Variants in P4HA1 observed in about 807,000 individuals in gnomAD.
The protein encoded by P4HA1 is prolyl 4-hydroxylase subunit alpha-1.
In P4HA1, 24 loss-of-function variants were observed where a neutral mutation model predicts 72.8. That is an observed-to-expected ratio of 0.33 (90% confidence interval 0.24 to 0.46). P4HA1 has a LOEUF of 0.46. Among genes scored for constraint, P4HA1 ranks in the 20% least tolerant of loss-of-function variants. P4HA1 has a pLI of 1.00. For missense variants in P4HA1, 446 were observed against 640.6 expected, an observed-to-expected ratio of 0.70 and a Z score of 3.28; for synonymous variants, 201 against 218.8, an observed-to-expected ratio of 0.92 and a Z score of 0.72.
intron 10 of P4HA1, among the ~76,000 whole-genome samples, chr10:73,021,795 C>G (rs545456251): frequency 1.3e-5 from 2 of 152,232 alleles, no homozygotes; most frequent in African/African-American, 2.4e-5. Flanking sequence ...CCACATACTG[C>G]GCTTTTCCCA....
intron 9 of P4HA1, among the ~76,000 whole-genome samples, chr10:73,041,854 A>G (rs1840744167): frequency 6.8e-6 from 1 of 147,400 alleles, no homozygotes. Context: ...TTTTTTTTTG[A>G]GACAGGATCT....
chr10:73,056,874 C>T (rs994091033), intron 5 of P4HA1, among the ~76,000 whole-genome samples: 1 of 151,126 alleles, frequency 6.6e-6, no homozygotes, highest in African/African-American at 2.4e-5. Flanking sequence ...TCCTGGCTAA[C>T]ACGGTGAAAG....
intron 10 of P4HA1, among the ~76,000 whole-genome samples, chr10:73,026,294 TAAC>T (rs1162255064): frequency 3.9e-5 from 6 of 152,148 alleles, no homozygotes; most frequent in African/African-American, 1.2e-4. Flanking sequence ...GCCTCAGAAA[TAAC>T]AACACACATC....
At chr10:73,030,638 A>C (rs1840411900) in intron 9 of P4HA1, among the ~76,000 whole-genome samples, 1 of 152,214 alleles carries the variant, frequency 6.6e-6, no homozygotes, top group South Asian at 2.1e-4. Context: ...TAATGTAAGG[A>C]GGCTATATTG....
chr10:73,060,515 G>A (rs1460092469), intron 5 of P4HA1, among the ~76,000 whole-genome samples: 2 of 152,104 alleles, frequency 1.3e-5, no homozygotes, highest in Non-Finnish European at 2.9e-5. Flanking sequence ...CCAGGCTGTA[G>A]TGCACCATGA....
At chr10:73,015,732 C>CA (rs540960481) in intron 11 of P4HA1, among the ~76,000 whole-genome samples, 8 of 152,252 alleles carry the variant, frequency 5.3e-5, no homozygotes, top group African/African-American at 1.4e-4. Flanking sequence ...CACATACCTC[C>CA]AGCCTCTGTG....
intron 5 of P4HA1, among the ~76,000 whole-genome samples, chr10:73,061,277 C>T (rs1002735342): frequency 2.8e-4 from 43 of 152,002 alleles, no homozygotes; most frequent in Non-Finnish European, 5.9e-4. Context: ...AAATTTAACT[C>T]GAATCTAATC....
At chr10:73,050,397 A>AGT (rs1840990201) in intron 7 of P4HA1, among the ~76,000 whole-genome samples, 11 of 149,474 alleles carry the variant, frequency 7.4e-5, no homozygotes, top group African/African-American at 2.8e-4. Flanking sequence ...GGTATACTGT[A>AGT]ATTTTTTTTT....
At chr10:73,052,213 CCA>C (rs1294064270) in intron 6 of P4HA1, among the ~76,000 whole-genome samples, 3 of 150,354 alleles carry the variant, frequency 2.0e-5, no homozygotes, top group South Asian at 2.1e-4. Flanking sequence ...AACTAAAGAA[CCA>C]CACACACATA....
chr10:73,022,470 C>T (rs758707910), intron 10 of P4HA1, among the ~76,000 whole-genome samples: 4 of 152,156 alleles, frequency 2.6e-5, no homozygotes, highest in Non-Finnish European at 4.4e-5. Flanking sequence ...AGGTCATCTA[C>T]ACCAAAACCC....
At chr10:73,074,659 C>A in intron 2 of P4HA1, 149 bp downstream of exon 2, 2 of 570,550 alleles carry the variant, frequency 3.5e-6, no homozygotes, top group Non-Finnish European at 3.1e-6. Flanking sequence ...AAGAAAATGT[C>A]AAATTATTAA....
At chr10:73,030,174 T>C in intron 10 of P4HA1, 97 bp downstream of exon 10, 1 of 503,326 alleles carries the variant, frequency 2.0e-6, no homozygotes, top group Non-Finnish European at 3.5e-6. Flanking sequence ...TCCCAAACTA[T>C]CATGCAAATT....
chr10:73,039,406 C>T (rs905402561), intron 9 of P4HA1, among the ~76,000 whole-genome samples: 1 of 151,922 alleles, frequency 6.6e-6, no homozygotes, highest in Non-Finnish European at 1.5e-5. Flanking sequence ...TCCTGGGTTC[C>T]TGCCGTTCTC....
chr10:73,051,365 T>C, intron 6 of P4HA1, 116 bp from the exon 7 acceptor site: 1 of 616,772 alleles, frequency 1.6e-6, no homozygotes, highest in Non-Finnish European at 2.8e-6. Flanking sequence ...CAGGTTGCTG[T>C]TGTGAGTGAA....
At chr10:73,061,878 G>T (rs989180687) in intron 5 of P4HA1, among the ~76,000 whole-genome samples, 1 of 152,108 alleles carries the variant, frequency 6.6e-6, no homozygotes, top group Non-Finnish European at 1.5e-5. Context: ...AATCAGCCAG[G>T]TGTGGTGGCA....
chr10:73,030,607 C>T (rs1337821532), intron 9 of P4HA1, among the ~76,000 whole-genome samples: 1 of 151,856 alleles, frequency 6.6e-6, no homozygotes, highest in Non-Finnish European at 1.5e-5. Flanking sequence ...TATTATAATG[C>T]TTATATGAAA....
At chr10:73,059,803 T>C (rs1564631583) in intron 5 of P4HA1, among the ~76,000 whole-genome samples, 1 of 151,360 alleles carries the variant, frequency 6.6e-6, no homozygotes, top group Non-Finnish European at 1.5e-5. Flanking sequence ...TAGCCAGGTA[T>C]GGTGGTACTT....
intron 1 of P4HA1, among the ~76,000 whole-genome samples, chr10:73,076,208 G>A (rs77660689): frequency 6.6e-6 from 1 of 152,130 alleles, no homozygotes; most frequent in Non-Finnish European, 1.5e-5. Flanking sequence ...ATATTGCAAT[G>A]ACACTGTTCT....
chr10:73,028,283 TG>T (rs1435949082), intron 10 of P4HA1, among the ~76,000 whole-genome samples: 2 of 147,204 alleles, frequency 1.4e-5, no homozygotes, highest in African/African-American at 5.1e-5. Flanking sequence ...CGGAGTAGGA[TG>T]GCATCAAACC....
Sources: gnomAD v4.1 joint callset for allele counts (sites outside exome capture counted in the v4.1 genomes callset) on GRCh38, gnomAD v4.1.1 for gene constraint, MANE v1.5 for transcripts, NCBI Gene and HGNC (gene_info 2026-07-23, HGNC 2026-07-21) for gene names.